The following RNF17 variants were observed in gnomAD, a reference collection of about 807,000 sequenced individuals.
RNF17 encodes the protein ring finger protein 17.
Under a neutral mutation model 200.5 loss-of-function variants are expected in RNF17, and 31 were observed. The ratio of observed to expected loss-of-function variants is 0.15; its 90% CI spans 0.12 to 0.21. The LOEUF is 0.21. RNF17 is among the 10% of genes least tolerant of loss of function. RNF17 has a pLI of 1.00. For synonymous variants in RNF17, 606 were observed against 637.8 expected, an observed-to-expected ratio of 0.95 and a Z score of 0.75; for missense variants, 1,628 against 1,905.1, an observed-to-expected ratio of 0.85 and a Z score of 2.71.
intron 6 of RNF17, among the ~76,000 whole-genome samples, chr13:24,784,198 C>T (rs1882797435): frequency 6.6e-6 from 1 of 152,130 alleles, no homozygotes; most frequent in African/African-American, 2.4e-5. Flanking sequence ...TTGAACTATC[C>T]TTGCTTTCCA....
chr13:24,843,317 G>A (rs952721779), intron 19 of RNF17, among the ~76,000 whole-genome samples: 1 of 152,112 alleles, frequency 6.6e-6, no homozygotes, highest in Admixed American at 6.5e-5. Flanking sequence ...AGGAGTTTGA[G>A]ACCATCCTGG....
chr13:24,807,645 T>G (rs1214952026), intron 15 of RNF17, among the ~76,000 whole-genome samples: 1 of 152,030 alleles, frequency 6.6e-6, no homozygotes, highest in African/African-American at 2.4e-5. Flanking sequence ...AGCTCTTTAG[T>G]TTAATTAGAT....
At chr13:24,825,852 T>C in intron 16 of RNF17, 80 bp downstream of exon 16, 1 of 1,465,374 alleles carries the variant, frequency 6.8e-7, no homozygotes, top group Non-Finnish European at 9.2e-7. Context: ...CAATTCAATC[T>C]TGGAAGTAAT....
intron 15 of RNF17, among the ~76,000 whole-genome samples, chr13:24,813,789 G>T (rs1009368063): frequency 7.4e-6 from 1 of 134,478 alleles, no homozygotes; most frequent in African/African-American, 2.8e-5. Flanking sequence ...AGCACAGCTC[G>T]CTAATTTTTT....
rs1022005215 is a variant in RNF17 at position 24,779,893 on chromosome 13, C to T, written c.510+146C>T. ...CTAAAAAAGAATGGAAAACTTTTCC[C>T]ATAGCCTGCCAAGATTGGTCTTGTA... On this transcript the variant is annotated intron_variant, in intron 5 of 35. Coordinates refer to ENST00000255324, the MANE Select transcript of RNF17 (RefSeq NM_031277.3). 9.2e-6 allele frequency: 5 copies of T among 544,762 alleles called. No individual in the cohort carries two copies. The African/African-American group carries it at 9.7e-5, about 11-fold the overall frequency. 33.7% of individuals were successfully genotyped at this position (544,762 alleles called of 1,614,324 possible). A position where few individuals can be genotyped will look rare whatever the true frequency, so the allele number is the denominator to read the frequency against.
chr13:24,862,674 G>T, intron 27 of RNF17, 39 bp from the exon 28 acceptor site: 1 of 1,306,024 alleles, frequency 7.7e-7, no homozygotes, highest in South Asian at 1.2e-5. Context: ...CTGATTTTAT[G>T]AAAGCATAAA....
chr13:24,798,085 A>C (rs1884819931), intron 11 of RNF17, among the ~76,000 whole-genome samples: 3 of 152,130 alleles, frequency 2.0e-5, no homozygotes, highest in Admixed American at 2.0e-4. Context: ...ATTCACCAAA[A>C]ATTGAGTAAA....
chr13:24,808,210 G>A (rs1466603602), intron 15 of RNF17, among the ~76,000 whole-genome samples: 1 of 151,878 alleles, frequency 6.6e-6, no homozygotes, highest in East Asian at 1.9e-4. Flanking sequence ...GATGGGGATG[G>A]CATTGAATCT....
chr13:24,883,118 A>C, downstream of RNF17: 2 of 1,384,634 alleles, frequency 1.4e-6, no homozygotes, highest in South Asian at 2.3e-5. Flanking sequence ...TCCACAGTAA[A>C]TGTACATTTT....
intron 15 of RNF17, among the ~76,000 whole-genome samples, chr13:24,811,262 G>A (rs1296584021): frequency 2.0e-5 from 3 of 151,286 alleles, no homozygotes; most frequent in East Asian, 1.9e-4. Flanking sequence ...CATTCTCCCC[G>A]TCACTTTCAG....
chr13:24,842,836 T>TA (rs1566210135), intron 19 of RNF17, among the ~76,000 whole-genome samples: 1 of 151,728 alleles, frequency 6.6e-6, no homozygotes, highest in African/African-American at 2.4e-5. Flanking sequence ...AATAAAAAAA[T>TA]TAGCTGGGCG....
intron 6 of RNF17, among the ~76,000 whole-genome samples, chr13:24,783,645 C>T (rs2137577408): frequency 6.6e-6 from 1 of 152,018 alleles, no homozygotes; most frequent in South Asian, 2.1e-4. Context: ...GGGATTATTT[C>T]CTTAATTTTC....
chr13:24,859,854 A>G (rs1445569674), intron 26 of RNF17, among the ~76,000 whole-genome samples: 1 of 151,982 alleles, frequency 6.6e-6, no homozygotes, highest in Non-Finnish European at 1.5e-5. Flanking sequence ...ACATATATGC[A>G]TTTATATTTT....
chr13:24,879,115 T>G, intron 34 of RNF17, 72 bp from the exon 35 acceptor site: 1 of 1,126,090 alleles, frequency 8.9e-7, no homozygotes. Flanking sequence ...CCCGTGTGAA[T>G]GGCCAGATAT....
rs372278228 is a variant in RNF17, at chr13:24,799,590, A to G, written c.1589+6A>G. ...GAAGTCCTGATTGTCACTGGGTATG[A>G]TATTTTATAATATGTATCCTTGGCC... On this transcript the variant is annotated splice_donor_region_variant and intron_variant, in intron 12 of 35. Transcript: ENST00000255324. 2.6e-6 allele frequency: 4 copies of G among 1,544,012 alleles called. No homozygotes were observed. The highest frequency in any genetic ancestry group is 3.6e-6 in the Non-Finnish European group (4 of 1,123,000).
At chr13:24,834,440 C>G (rs1889749461) in intron 18 of RNF17, among the ~76,000 whole-genome samples, 1 of 151,318 alleles carries the variant, frequency 6.6e-6, no homozygotes, top group Non-Finnish European at 1.5e-5. Flanking sequence ...ACAAGAACAA[C>G]AAAAAAGCAA....
chr13:24,798,757 CTT>C (rs34073328), intron 11 of RNF17, among the ~76,000 whole-genome samples: 3 of 151,116 alleles, frequency 2.0e-5, no homozygotes, highest in Non-Finnish European at 3.0e-5. Flanking sequence ...ACCTGTGGGC[CTT>C]TTTTTTTGTT....
In RNF17 at chr13:24,837,696, G is replaced by A. The variant is rs138415331; in HGVS notation, c.2483-4345G>A. Reference sequence around the variant, plus strand: ...AACCTCTGGCACACTGCAAAGGCGGGTGCTAAGAAAAGTTCCTAGCCCTAC... The same window carrying A: ...AACCTCTGGCACACTGCAAAGGCGGATGCTAAGAAAAGTTCCTAGCCCTAC... On this transcript the variant is annotated intron_variant, in intron 18 of 35. Transcript: ENST00000255324. Among the ~76,000 whole-genome samples, 129 of 152,204 alleles carry A rather than the reference G, an allele frequency of 8.5e-4. 1 individual carries two copies. Among genetic ancestry groups the A allele is most frequent in the African/African-American group, 3.0e-3 (126 of 41,520 alleles).
At chr13:24,830,324 C>T (rs970251018) in intron 16 of RNF17, among the ~76,000 whole-genome samples, 160 bp from the exon 17 acceptor site, 6 of 151,908 alleles carry the variant, frequency 3.9e-5, no homozygotes, top group South Asian at 2.1e-4. Context: ...TGGATGATTT[C>T]GGGGTTCACA....
Sources: allele counts gnomAD v4.1 joint callset (sites outside exome capture counted in the v4.1 genomes callset), GRCh38; gene constraint gnomAD v4.1.1; transcripts MANE v1.5; gene names NCBI Gene and HGNC (gene_info 2026-07-23, HGNC 2026-07-21).